MEF2A: variants seen among roughly 807,000 people sequenced by gnomAD.
MEF2A encodes the protein myocyte-specific enhancer factor 2A.
In MEF2A, 28 loss-of-function variants were observed where a neutral mutation model predicts 55.8. The ratio of observed to expected loss-of-function variants is 0.50; its 90% CI spans 0.37 to 0.69. MEF2A has a LOEUF of 0.69. Among genes scored for constraint, MEF2A ranks in the 30% least tolerant of loss-of-function variants. The pLI, the probability that MEF2A is intolerant of heterozygous loss-of-function variation, is 0.00. For synonymous variants in MEF2A, 239 were observed against 227.1 expected, an observed-to-expected ratio of 1.05 and a Z score of -0.47; for missense variants, 528 against 626.2, an observed-to-expected ratio of 0.84 and a Z score of 1.67.
At chr15:99,679,788 TAAAAG>T (rs1414773154) in intron 7 of MEF2A, among the ~76,000 whole-genome samples, 2 of 152,120 alleles carry the variant, frequency 1.3e-5, no homozygotes, top group African/African-American at 2.4e-5. Flanking sequence ...GTTTTGAAAA[TAAAAG>T]AATACACTAG....
intron 2 of MEF2A, among the ~76,000 whole-genome samples, chr15:99,631,924 G>A (rs1441290274): frequency 6.6e-6 from 1 of 152,100 alleles, no homozygotes; most frequent in Non-Finnish European, 1.5e-5. Context: ...AAGTTTTATT[G>A]ATACACATGT....
At chr15:99,605,217 G>T (rs1249497105) in intron 2 of MEF2A, among the ~76,000 whole-genome samples, 1 of 152,166 alleles carries the variant, frequency 6.6e-6, no homozygotes, top group Middle Eastern at 3.2e-3. Flanking sequence ...CAAAGTGCTG[G>T]AATTATAGGT....
intron 4 of MEF2A, among the ~76,000 whole-genome samples, chr15:99,655,738 T>A (rs1353145676): frequency 2.6e-5 from 4 of 152,120 alleles, no homozygotes; most frequent in African/African-American, 9.7e-5. Flanking sequence ...AGGAATAGAA[T>A]ATATTGACAC....
At chr15:99,644,534 T>G (rs2045609224) in intron 3 of MEF2A, among the ~76,000 whole-genome samples, 2 of 152,228 alleles carry the variant, frequency 1.3e-5, no homozygotes, top group South Asian at 4.1e-4. Flanking sequence ...CTTTAATAGC[T>G]ACTGCAATAA....
At chr15:99,567,224 T>G (rs1457128011) in intron 1 of MEF2A, among the ~76,000 whole-genome samples, 2 of 152,234 alleles carry the variant, frequency 1.3e-5, no homozygotes, top group Admixed American at 1.3e-4. Context: ...TTCCAATAAA[T>G]GCCCTATTAG....
chr15:99,575,003 G>T (rs1416657376), intron 1 of MEF2A, among the ~76,000 whole-genome samples: 1 of 152,030 alleles, frequency 6.6e-6, no homozygotes, highest in Non-Finnish European at 1.5e-5. Context: ...ATAATATCAA[G>T]AATCCACTGT....
intron 1 of MEF2A, among the ~76,000 whole-genome samples, chr15:99,576,400 C>G (rs1479481263): frequency 6.6e-6 from 1 of 152,100 alleles, no homozygotes; most frequent in Non-Finnish European, 1.5e-5. Flanking sequence ...CTTTTACTTA[C>G]TCAGTGAGTA....
At chr15:99,684,469 G>A (rs953996344) in intron 7 of MEF2A, among the ~76,000 whole-genome samples, 1 of 152,220 alleles carries the variant, frequency 6.6e-6, no homozygotes, top group Non-Finnish European at 1.5e-5. Flanking sequence ...AATTAGTGAT[G>A]TTGAGCATTT....
At chr15:99,620,113 C>T (rs2040883908) in intron 2 of MEF2A, among the ~76,000 whole-genome samples, 1 of 152,078 alleles carries the variant, frequency 6.6e-6, no homozygotes, top group Non-Finnish European at 1.5e-5. Flanking sequence ...TTTTAAATTG[C>T]CTTTAAGTTA....
At chr15:99,687,309 A>G (rs1317958106) in intron 7 of MEF2A, among the ~76,000 whole-genome samples, 1 of 152,084 alleles carries the variant, frequency 6.6e-6, no homozygotes, top group East Asian at 1.9e-4. Flanking sequence ...TGTTAAGCAC[A>G]CAGCAGACAC....
In MEF2A at chr15:99,715,545, T is replaced by G. The variant is rs1417091828; in HGVS notation, c.*2774T>G. 6.6e-6 allele frequency: 1 copy of G among 152,218 alleles called. No homozygotes were observed. The highest frequency in any genetic ancestry group is 1.5e-5 in the Non-Finnish European group (1 of 68,050). The allele number at this position is 152,218 out of a possible 1,614,324, so 9.4% of individuals were successfully genotyped here. A position where few individuals can be genotyped will look rare whatever the true frequency, so the allele number is the denominator to read the frequency against. On this transcript the variant is annotated 3_prime_UTR_variant, in exon 12 of 12. Transcript: ENST00000557942. ...AGCATATGGACTTGACAGACATCTC[T>G]CACCCAGACGCCCACGTGTGAACAC...
intron 1 of MEF2A, among the ~76,000 whole-genome samples, chr15:99,578,299 T>C (rs1319423486): frequency 6.6e-6 from 1 of 152,242 alleles, no homozygotes; most frequent in Non-Finnish European, 1.5e-5. Context: ...TTAGAGGTTT[T>C]TATTTTCTAG....
chr15:99,630,295 T>G (rs974256119), intron 2 of MEF2A, among the ~76,000 whole-genome samples: 7 of 152,136 alleles, frequency 4.6e-5, no homozygotes, highest in African/African-American at 1.7e-4. Flanking sequence ...TCATTCTCTT[T>G]TTGTGCTTCA....
chr15:99,565,453 C>T (rs1464239352), upstream of MEF2A: 1 of 149,574 alleles, frequency 6.7e-6, no homozygotes, highest in Non-Finnish European at 1.5e-5. Flanking sequence ...CCGCTCCCGG[C>T]CTGGGCTCCC....
chr15:99,657,775 C>T (rs564361362), intron 4 of MEF2A, among the ~76,000 whole-genome samples: 1 of 152,132 alleles, frequency 6.6e-6, no homozygotes, highest in South Asian at 2.1e-4. Flanking sequence ...CTCCTGCTCC[C>T]AAAGGATTCC....
intron 3 of MEF2A, among the ~76,000 whole-genome samples, chr15:99,638,687 C>T (rs2044333645): frequency 6.6e-6 from 1 of 151,976 alleles, no homozygotes; most frequent in African/African-American, 2.4e-5. Flanking sequence ...CCATTTTCTC[C>T]ATTTTTAAGC....
At chr15:99,633,220 A>T in intron 3 of MEF2A, 47 bp downstream of exon 3, 1 of 1,328,450 alleles carries the variant, frequency 7.5e-7, no homozygotes, top group Non-Finnish European at 1.0e-6. Flanking sequence ...TATTCTTTTA[A>T]AAAAAGAACA....
intron 8 of MEF2A, 86 bp from the exon 9 acceptor site, chr15:99,703,276 A>G (rs974943665): frequency 3.8e-5 from 50 of 1,306,416 alleles, no homozygotes; most frequent in Non-Finnish European, 5.0e-5. Context: ...GCTAGTGTCC[A>G]AATATGTTTT....
chr15:99,674,372 C>G, intron 5 of MEF2A, 21 bp from the exon 6 acceptor site: 1 of 1,568,336 alleles, frequency 6.4e-7, no homozygotes, highest in South Asian at 1.2e-5. Flanking sequence ...CAGTTTTTTC[C>G]TTCTTTTTCT....
Sources: allele counts gnomAD v4.1 joint callset (sites outside exome capture counted in the v4.1 genomes callset), GRCh38; gene constraint gnomAD v4.1.1; transcripts MANE v1.5; gene names NCBI Gene and HGNC (gene_info 2026-07-23, HGNC 2026-07-21).